The following MTA3 variants were observed in gnomAD, a reference collection of about 807,000 sequenced individuals.
The protein encoded by MTA3 is metastasis associated 1 family member 3.
Under a neutral mutation model 83.5 loss-of-function variants are expected in MTA3, and 34 were observed. The observed-to-expected ratio is 0.41, with a 90% CI of 0.31 to 0.54. The LOEUF (loss-of-function observed/expected upper bound fraction) is 0.54, where lower values mean the gene tolerates loss of function less well. Ranked by LOEUF, MTA3 falls within the 20% of genes least tolerant of loss-of-function variation. The pLI is 0.33. For synonymous variants in MTA3, 303 were observed against 252.7 expected, an observed-to-expected ratio of 1.20 and a Z score of -1.89; for missense variants, 761 against 726.4, an observed-to-expected ratio of 1.05 and a Z score of -0.55.
intron 2 of MTA3, among the ~76,000 whole-genome samples, chr2:42,539,934 C>A (rs1257499604): frequency 6.6e-6 from 1 of 152,118 alleles, no homozygotes; most frequent in South Asian, 2.1e-4. Context: ...CCTGTGGTTT[C>A]CTGAGAACAT....
At position 42,755,342 on chromosome 2, in the gene MTA3, C is replaced by T; in HGVS notation, c.*1943C>T. ...GACTCAGCTGCCAGCTTCATTTTCT[C>T]TGCCTTTTGGGAGAGGCCCTCTCAC... On this transcript the variant is annotated 3_prime_UTR_variant, in exon 17 of 17. Coordinates refer to ENST00000405094, the MANE Select transcript of MTA3 (RefSeq NM_001330442.2). 1 of 985,528 alleles carries T rather than the reference C, an allele frequency of 1.0e-6. No individual in the cohort carries two copies. Among genetic ancestry groups the T allele is most frequent in the Non-Finnish European group, 1.2e-6 (1 of 830,016 alleles). 61.0% of individuals were successfully genotyped at this position (985,528 alleles called of 1,614,324 possible).
intron 2 of MTA3, among the ~76,000 whole-genome samples, chr2:42,576,397 C>G (rs1184300614): frequency 6.6e-6 from 1 of 152,100 alleles, no homozygotes; most frequent in Non-Finnish European, 1.5e-5. Flanking sequence ...GATAAAGGCC[C>G]TGGGAAGATC....
intron 15 of MTA3, among the ~76,000 whole-genome samples, chr2:42,722,128 G>A (rs1033683641): frequency 1.1e-4 from 17 of 152,288 alleles, no homozygotes; most frequent in African/African-American, 3.9e-4. Flanking sequence ...GAGCTGCTAA[G>A]CTTTAGAAAA....
intron 2 of MTA3, among the ~76,000 whole-genome samples, chr2:42,558,559 A>T (rs1250264032): frequency 5.6e-4 from 73 of 130,034 alleles, no homozygotes; most frequent in Admixed American, 1.3e-3. Context: ...CTTTAAAAAA[A>T]TTTTTTTTTT....
chr2:42,652,333 T>A (rs1240606908), intron 6 of MTA3, among the ~76,000 whole-genome samples: 1 of 152,066 alleles, frequency 6.6e-6, no homozygotes, highest in Non-Finnish European at 1.5e-5. Flanking sequence ...ATTTGCGGTT[T>A]ACTTCACTAA....
At chr2:42,633,082 G>C (rs1686841125) in intron 4 of MTA3, among the ~76,000 whole-genome samples, 1 of 151,876 alleles carries the variant, frequency 6.6e-6, no homozygotes, top group Admixed American at 6.6e-5. Context: ...GGCCAACATG[G>C]TGAAATCCTG....
At chr2:42,685,125 G>C (rs4952908) in intron 9 of MTA3, among the ~76,000 whole-genome samples, 113,541 of 152,066 alleles carry the variant, frequency 0.75, 42,704 homozygotes, top group South Asian at 0.88. Flanking sequence ...AGATAACTCT[G>C]TGAACTGTAG....
intron 14 of MTA3, among the ~76,000 whole-genome samples, chr2:42,714,563 A>C (rs1437224089): frequency 6.6e-6 from 1 of 152,176 alleles, no homozygotes; most frequent in Non-Finnish European, 1.5e-5. Context: ...CAGTATTTCC[A>C]AAACACTGTA....
At chr2:42,514,968 G>A (rs888344935) in intron 2 of MTA3, among the ~76,000 whole-genome samples, 1 of 151,844 alleles carries the variant, frequency 6.6e-6, no homozygotes, top group African/African-American at 2.4e-5. Context: ...TGGGATTACA[G>A]GCGTGACCCA....
In MTA3 at chr2:42,733,895, T is replaced by C. The variant is rs534331382; in HGVS notation, c.1759+10860T>C. 6.6e-5 allele frequency among the ~76,000 whole-genome samples: 10 copies of C among 152,354 alleles called. No individual in the cohort carries two copies. In the South Asian group the frequency reaches 1.7e-3, roughly 25 times the overall value. On this transcript the variant is annotated intron_variant, in intron 16 of 16. Transcript: ENST00000405094. ...TTTATTTTACTGTGATCAGAAAAGA[T>C]ACTTGATATAAATTTATTTTATATA...
intron 16 of MTA3, among the ~76,000 whole-genome samples, chr2:42,723,854 A>T (rs1423762328): frequency 3.3e-5 from 5 of 152,190 alleles, no homozygotes; most frequent in East Asian, 3.8e-4. Context: ...CAGAGCAAGG[A>T]TGTGGAGTAG....
chr2:42,693,975 A>C (rs1440935241), intron 9 of MTA3, among the ~76,000 whole-genome samples: 1 of 152,150 alleles, frequency 6.6e-6, no homozygotes. Context: ...TCAGCAGCTG[A>C]TGAATCTTGC....
chr2:42,742,380 C>T (rs186140333), intron 16 of MTA3, among the ~76,000 whole-genome samples: 20 of 152,242 alleles, frequency 1.3e-4, no homozygotes, highest in Non-Finnish European at 2.4e-4. Flanking sequence ...CTTAGGTGAT[C>T]CGCCTGCCTC....
intron 4 of MTA3, among the ~76,000 whole-genome samples, chr2:42,616,096 C>T (rs1308460123): frequency 1.3e-5 from 2 of 151,612 alleles, no homozygotes; most frequent in Non-Finnish European, 2.9e-5. Context: ...GTTTCACTCT[C>T]ATCACCCAGG....
chr2:42,711,385 C>G (rs377342545), intron 14 of MTA3, among the ~76,000 whole-genome samples: 31 of 152,114 alleles, frequency 2.0e-4, no homozygotes, highest in African/African-American at 5.5e-4. Context: ...ATTAAGTTAC[C>G]TGTATTTTAT....
chr2:42,701,481 C>T (rs1448726968), intron 11 of MTA3, among the ~76,000 whole-genome samples: 1 of 151,602 alleles, frequency 6.6e-6, no homozygotes, highest in Non-Finnish European at 1.5e-5. Context: ...CCTGCAGTCC[C>T]AGCTACTTGA....
chr2:42,621,708 C>T (rs1260223299), intron 4 of MTA3, among the ~76,000 whole-genome samples: 1 of 147,272 alleles, frequency 6.8e-6, no homozygotes, highest in Non-Finnish European at 1.5e-5. Context: ...CGGGCGGCTG[C>T]CAGGTGGAGG....
chr2:42,632,235 C>T (rs1439437014), intron 4 of MTA3, among the ~76,000 whole-genome samples: 1 of 151,628 alleles, frequency 6.6e-6, no homozygotes. Flanking sequence ...GTTCTACAGG[C>T]GGCCGCCACC....
At position 42,583,536 on chromosome 2, in the gene MTA3, C is replaced by CT. The variant is rs373168638; in HGVS notation, c.190+4344dup. On this transcript the variant is annotated intron_variant, in intron 3 of 16. Coordinates refer to ENST00000405094, the MANE Select transcript of MTA3 (RefSeq NM_001330442.2). ...TTTAAAAAACTCTTCTCATTATGGA[C>CT]TTTTTTTTATTTTTTGAGATAGAGT... is the stretch of plus-strand genomic sequence containing the variant. Among the ~76,000 whole-genome samples the CT allele has an allele frequency of 2.3e-3, 350 of 152,068 alleles. 4 individuals carry two copies. Among genetic ancestry groups the CT allele is most frequent in the African/African-American group, 7.9e-3 (327 of 41,516 alleles).
Sources: allele counts gnomAD v4.1 joint callset (sites outside exome capture counted in the v4.1 genomes callset), GRCh38; gene constraint gnomAD v4.1.1; transcripts MANE v1.5; gene names NCBI Gene and HGNC (gene_info 2026-07-23, HGNC 2026-07-21).